DDIAS: variants seen among roughly 807,000 people sequenced by gnomAD.
DDIAS encodes DNA damage induced apoptosis suppressor.
In DDIAS, 14 loss-of-function variants were observed where a neutral mutation model predicts 15.7. The observed-to-expected ratio is 0.89, with a 90% confidence interval of 0.59 to 1.39. The LOEUF is 1.39. DDIAS is among the 40% of genes most tolerant of loss of function. The pLI, the probability that DDIAS is intolerant of heterozygous loss-of-function variation, is 0.00. For missense variants in DDIAS, 1,035 were observed against 1,130.9 expected, an observed-to-expected ratio of 0.92 and a Z score of 1.22; for synonymous variants, 355 against 395.9, an observed-to-expected ratio of 0.90 and a Z score of 1.23.
In DDIAS at chr11:82,914,724, C is replaced by G. The variant is rs776202115; in HGVS notation, c.-15C>G. The stretch of plus-strand genomic sequence containing the variant: ...CCCAATGGCTATTTTGTTTTGCAGA[C>G]CACGGTGTGAACACATGAACAGAAG... On this transcript the variant is annotated splice_region_variant and 5_prime_UTR_variant, in exon 3 of 6. Coordinates refer to ENST00000533655, the MANE Select transcript of DDIAS (RefSeq NM_145018.4). 6 of 1,499,940 alleles carry G rather than the reference C, an allele frequency of 4.0e-6. No homozygotes were observed. The Admixed American group carries it at 1.0e-4, about 26-fold the overall frequency. The allele number at this position is 1,499,940 out of a possible 1,614,324, so 92.9% of individuals were successfully genotyped here. A position where few individuals can be genotyped will look rare whatever the true frequency, so the allele number is the denominator to read the frequency against.
intron 1 of DDIAS, among the ~76,000 whole-genome samples, chr11:82,912,820 G>A (rs1258133840): frequency 6.6e-6 from 1 of 152,138 alleles, no homozygotes; most frequent in Non-Finnish European, 1.5e-5. Flanking sequence ...TAAAGTGAGA[G>A]ATATGTGACT....
At chr11:82,919,841 T>C (rs528718146) in intron 3 of DDIAS, among the ~76,000 whole-genome samples, 319 of 152,248 alleles carry the variant, frequency 2.1e-3, no homozygotes, top group Non-Finnish European at 3.6e-3. Flanking sequence ...CCATTCTGCC[T>C]CAGCCTCCTG....
intron 3 of DDIAS, 65 bp downstream of exon 3, chr11:82,914,916 T>C: frequency 4.5e-6 from 5 of 1,107,766 alleles, no homozygotes; most frequent in Non-Finnish European, 1.3e-6. Flanking sequence ...TTCCTATGGC[T>C]CAAGGGCAAG....
chr11:82,930,757 G>GAA (rs1860965202), intron 5 of DDIAS, among the ~76,000 whole-genome samples: 3 of 126,382 alleles, frequency 2.4e-5, no homozygotes, highest in African/African-American at 6.2e-5. Flanking sequence ...AAAAAAAAAA[G>GAA]AAGTTACTCC....
chr11:82,926,251 G>C (rs369773904), intron 3 of DDIAS, among the ~76,000 whole-genome samples: 1 of 151,786 alleles, frequency 6.6e-6, no homozygotes, highest in African/African-American at 2.4e-5. Context: ...CACCACGTTC[G>C]TTAATTTTTG....
intron 3 of DDIAS, among the ~76,000 whole-genome samples, chr11:82,921,095 T>G (rs978892358): frequency 1.3e-5 from 2 of 152,208 alleles, no homozygotes; most frequent in African/African-American, 2.4e-5. Flanking sequence ...TTGTGATATT[T>G]CTCGTTGGAC....
At chr11:82,921,571 C>CTTTTTTTTTTT (rs968751055) in intron 3 of DDIAS, among the ~76,000 whole-genome samples, 1 of 78,132 alleles carries the variant, frequency 1.3e-5, no homozygotes, top group Non-Finnish European at 2.4e-5. Context: ...TTCTTTCTTT[C>CTTTTTTTTTTT]TTTTTTTTTT....
rs773700390 is a variant in DDIAS at position 82,932,419 on chromosome 11, G to A, written c.1081G>A (p.Glu361Lys). 1 of 1,614,022 alleles carries A rather than the reference G, an allele frequency of 6.2e-7. No individual in the cohort carries two copies. Among genetic ancestry groups the A allele is most frequent in the African/African-American group, 1.3e-5 (1 of 74,900 alleles). ...SNTKSFHSAV[E>K]IKNRSQHELP... ...TACAAAATCCTTCCACAGTGCAGTG[G>A]AAATTAAAAATAGGTCCCAGCATGA... The change falls in exon 6 of 6, where the codon GAA becomes AAA. Residue 361 changes from glutamate (E) to lysine (K), a missense_variant. Transcript: ENST00000533655.
At chr11:82,915,879 T>C (rs1324143343) in intron 3 of DDIAS, among the ~76,000 whole-genome samples, 2 of 152,204 alleles carry the variant, frequency 1.3e-5, no homozygotes, top group East Asian at 1.9e-4. Flanking sequence ...TGGTATACAG[T>C]CCTTACTTAA....
intron 5 of DDIAS, among the ~76,000 whole-genome samples, chr11:82,931,196 G>T (rs1451924293): frequency 1.3e-5 from 2 of 152,064 alleles, no homozygotes; most frequent in Non-Finnish European, 2.9e-5. Flanking sequence ...AATAAATGCG[G>T]GAACTAGGAT....
intron 1 of DDIAS, among the ~76,000 whole-genome samples, chr11:82,904,872 C>G (rs1860393931): frequency 1.3e-5 from 2 of 152,166 alleles, no homozygotes; most frequent in African/African-American, 2.4e-5. Context: ...ATAGTTGATT[C>G]ACCAAACAGC....
At chr11:82,908,468 A>T (rs150102720) in intron 1 of DDIAS, among the ~76,000 whole-genome samples, 1 of 152,314 alleles carries the variant, frequency 6.6e-6, no homozygotes, top group East Asian at 1.9e-4. Flanking sequence ...GTACCTCCAT[A>T]CTAAACCCTA....
intron 3 of DDIAS, among the ~76,000 whole-genome samples, chr11:82,923,201 C>T (rs1860793024): frequency 6.6e-6 from 1 of 152,182 alleles, no homozygotes; most frequent in Non-Finnish European, 1.5e-5. Context: ...AGTGCGAGCC[C>T]CAACATGCTG....
At chr11:82,914,660 G>C in intron 2 of DDIAS, 63 bp from the exon 3 acceptor site, 1 of 787,654 alleles carries the variant, frequency 1.3e-6, no homozygotes, top group East Asian at 2.8e-5. Context: ...GTTTTCCTAA[G>C]AAAAGAATAT....
chr11:82,909,329 T>G (rs561236800), intron 1 of DDIAS: 1 of 152,230 alleles, frequency 6.6e-6, no homozygotes, highest in Admixed American at 6.5e-5. Flanking sequence ...CATCTTAGTT[T>G]TGGTGGGTTT....
At chr11:82,903,722 A>G (rs1860373317) in intron 1 of DDIAS, among the ~76,000 whole-genome samples, 1 of 152,224 alleles carries the variant, frequency 6.6e-6, no homozygotes. Flanking sequence ...GGAGGAGACC[A>G]TTAGACAGTG....
intron 1 of DDIAS, among the ~76,000 whole-genome samples, chr11:82,905,985 T>C (rs984069649): frequency 2.0e-5 from 3 of 152,204 alleles, no homozygotes; most frequent in African/African-American, 7.2e-5. Flanking sequence ...ATTTACTTAT[T>C]CCTGATGTTT....
chr11:82,920,776 G>T (rs932343560), intron 3 of DDIAS, among the ~76,000 whole-genome samples: 1 of 152,084 alleles, frequency 6.6e-6, no homozygotes, highest in Non-Finnish European at 1.5e-5. Flanking sequence ...ATTTATTAAG[G>T]CTTGTTTTCT....
rs763625259 is a variant in DDIAS, at chr11:82,933,017, G to C, written c.1679G>C (p.Arg560Thr). ...ETIVTLKKTI[R>T]ISPHRESDHS... is the part of the protein sequence containing the mutation. The stretch of plus-strand genomic sequence containing the variant: ...ATAGTTACTCTTAAGAAGACTATCA[G>C]AATCTCACCACACAGGGAGAGTGAC... Residue 560 changes from arginine to threonine, a missense_variant, in exon 6 of 6, where the codon AGA (arginine) becomes ACA (threonine). Transcript: ENST00000533655. 7 of 1,608,732 alleles carry C rather than the reference G, an allele frequency of 4.4e-6. No homozygotes were observed. In the African/African-American group the frequency reaches 9.3e-5, roughly 21 times the overall value.
Sources: gnomAD v4.1 joint callset for allele counts (sites outside exome capture counted in the v4.1 genomes callset) on GRCh38, gnomAD v4.1.1 for gene constraint, MANE v1.5 for transcripts, NCBI Gene and HGNC (gene_info 2026-07-23, HGNC 2026-07-21) for gene names.